Variants in WWOX observed in about 807,000 individuals in gnomAD.
WWOX encodes WW domain-containing oxidoreductase.
WWOX carries 69 observed loss-of-function variants against 46.2 expected under a neutral mutation model. The observed-to-expected ratio is 1.49, with a 90% CI of 1.23 to 1.82. WWOX has a LOEUF of 1.82. WWOX is among the 40% of genes most tolerant of loss of function. The probability of loss-of-function intolerance (pLI) is 0.00; values close to 1 mark genes in which losing one functional copy is unlikely to be tolerated. For synonymous variants in WWOX, 359 were observed against 202.6 expected (o/e 1.77, Z -6.56); for missense variants, 919 against 542.6 (o/e 1.69, Z -6.89).
chr16:78,595,429 T>C (rs879036225), intron 8 of WWOX, among the ~76,000 whole-genome samples: 1 of 152,134 alleles, frequency 6.6e-6, no homozygotes, highest in Admixed American at 6.5e-5. Context: ...GAACGTAATA[T>C]TCGTTGGGAT....
chr16:78,548,797 G>T (rs570337610), intron 8 of WWOX, among the ~76,000 whole-genome samples: 1 of 152,122 alleles, frequency 6.6e-6, no homozygotes, highest in Non-Finnish European at 1.5e-5. Flanking sequence ...GAAAATAAAC[G>T]CCTTCATTTC....
intron 8 of WWOX, among the ~76,000 whole-genome samples, chr16:78,935,953 G>A (rs1055106988): frequency 1.6e-4 from 25 of 151,958 alleles, no homozygotes; most frequent in Non-Finnish European, 3.7e-4. Context: ...GCAGCAGCTA[G>A]GTTCCAAAAA....
chr16:78,564,102 C>G (rs866098435), intron 8 of WWOX, among the ~76,000 whole-genome samples: 1 of 152,208 alleles, frequency 6.6e-6, no homozygotes, highest in Non-Finnish European at 1.5e-5. Flanking sequence ...AACCTACAGA[C>G]GCAACTGCCT....
In WWOX at chr16:78,337,759, C is replaced by G. The variant is rs958992875; in HGVS notation, c.517-49101C>G. Among the ~76,000 whole-genome samples, 36 of 56,096 alleles carry G rather than the reference C, an allele frequency of 6.4e-4. 10 individuals are homozygous for G. The highest frequency in any genetic ancestry group is 5.1e-3 in the Admixed American group (32 of 6,306). The allele number at this position is 56,096 out of a possible 152,430, so 36.8% of individuals were successfully genotyped here. ...GCTCAGAATGAAATATCCCTGTACT[C>G]CAAGATGCCTCCAGCAATTATAATT... On this transcript the variant is annotated intron_variant, in intron 5 of 8. Transcript: ENST00000566780.
chr16:78,195,810 AG>A (rs1377634815), intron 5 of WWOX, among the ~76,000 whole-genome samples: 1 of 140,988 alleles, frequency 7.1e-6, no homozygotes, highest in Non-Finnish European at 1.5e-5. Context: ...TGACAGAGCA[AG>A]ACTCTGCCTC....
intron 8 of WWOX, among the ~76,000 whole-genome samples, chr16:79,148,067 ATTTAGT>A (rs1175052542): frequency 6.6e-6 from 1 of 152,186 alleles, no homozygotes; most frequent in Admixed American, 6.5e-5. Context: ...AAATAAAAGT[ATTTAGT>A]TTTAATGAGG....
At chr16:78,234,470 C>T (rs995599116) in intron 5 of WWOX, among the ~76,000 whole-genome samples, 1 of 152,080 alleles carries the variant, frequency 6.6e-6, no homozygotes, top group African/African-American at 2.4e-5. Context: ...TGTTTTTGTA[C>T]GTCTCTGCAG....
chr16:78,583,068 C>A (rs141016334), intron 8 of WWOX, among the ~76,000 whole-genome samples: 1 of 152,198 alleles, frequency 6.6e-6, no homozygotes, highest in African/African-American at 2.4e-5. Context: ...TTCCCTTCTC[C>A]GAGCAGAGCT....
At chr16:78,974,705 G>C (rs897624451) in intron 8 of WWOX, among the ~76,000 whole-genome samples, 1 of 152,182 alleles carries the variant, frequency 6.6e-6, no homozygotes, top group Non-Finnish European at 1.5e-5. Context: ...GGTGTTTACA[G>C]AGTTGCCACT....
At chr16:78,558,796 T>G (rs1288830437) in intron 8 of WWOX, among the ~76,000 whole-genome samples, 1 of 152,182 alleles carries the variant, frequency 6.6e-6, no homozygotes, top group Admixed American at 6.5e-5. Flanking sequence ...AGAGTATGCC[T>G]TTTCCTTCAC....
intron 4 of WWOX, among the ~76,000 whole-genome samples, chr16:78,117,995 C>G (rs554912356): frequency 1.4e-4 from 21 of 148,672 alleles, no homozygotes; most frequent in African/African-American, 5.2e-4. Flanking sequence ...TTACAAAGGC[C>G]GATTTGCAAA....
chr16:78,995,406 A>T (rs1318684085), intron 8 of WWOX, among the ~76,000 whole-genome samples: 1 of 152,098 alleles, frequency 6.6e-6, no homozygotes, highest in Admixed American at 6.5e-5. Context: ...GGGAAGATGA[A>T]AAGAAAGCCT....
intron 8 of WWOX, among the ~76,000 whole-genome samples, chr16:78,995,623 C>G (rs1320341853): frequency 6.6e-6 from 1 of 151,890 alleles, no homozygotes; most frequent in African/African-American, 2.4e-5. Flanking sequence ...AAACCGCAAA[C>G]TGGCTTGTTC....
At chr16:78,436,087 T>C (rs561771403) in intron 8 of WWOX, among the ~76,000 whole-genome samples, 3 of 152,310 alleles carry the variant, frequency 2.0e-5, no homozygotes, top group African/African-American at 7.2e-5. Context: ...TCAAATGACA[T>C]GCCTAGCTCA....
intron 8 of WWOX, among the ~76,000 whole-genome samples, chr16:78,638,495 G>A (rs994731517): frequency 6.6e-6 from 1 of 152,072 alleles, no homozygotes; most frequent in African/African-American, 2.4e-5. Flanking sequence ...CTTGGGCTCT[G>A]ATAAGATCTG....
chr16:78,919,527 T>G (rs1480371274), intron 8 of WWOX, among the ~76,000 whole-genome samples: 2 of 149,806 alleles, frequency 1.3e-5, no homozygotes, highest in Admixed American at 6.6e-5. Flanking sequence ...TTGTTTTGTT[T>G]TTTTTTTTTT....
At chr16:78,523,321 C>T (rs1049928360) in intron 8 of WWOX, among the ~76,000 whole-genome samples, 45 of 152,208 alleles carry the variant, frequency 3.0e-4, no homozygotes, top group Non-Finnish European at 1.0e-4. Flanking sequence ...CAGCTGTAAA[C>T]TGGATCCCCT....
At chr16:78,302,168 C>T (rs976037486) in intron 5 of WWOX, among the ~76,000 whole-genome samples, 7 of 152,018 alleles carry the variant, frequency 4.6e-5, no homozygotes, top group Non-Finnish European at 1.0e-4. Flanking sequence ...GCCATGTTGG[C>T]CAGGCTGGTC....
At chr16:78,322,922 A>G (rs915108999) in intron 5 of WWOX, among the ~76,000 whole-genome samples, 5 of 152,202 alleles carry the variant, frequency 3.3e-5, no homozygotes, top group African/African-American at 9.6e-5. Context: ...ATCTCTTTCA[A>G]CCATTTAAAA....
Sources: allele counts gnomAD v4.1 joint callset (sites outside exome capture counted in the v4.1 genomes callset), GRCh38; gene constraint gnomAD v4.1.1; transcripts MANE v1.5; gene names NCBI Gene and HGNC (gene_info 2026-07-23, HGNC 2026-07-21).